CSMD1: variants seen among roughly 807,000 people sequenced by gnomAD.
CSMD1 encodes CUB and Sushi multiple domains 1.
A neutral mutation model predicts 417.5 loss-of-function variants in CSMD1; 213 were observed. The observed-to-expected ratio is 0.51, with a 90% CI of 0.46 to 0.57. The LOEUF (loss-of-function observed/expected upper bound fraction) is 0.57, where lower values mean the gene tolerates loss of function less well. Among genes scored for constraint, CSMD1 ranks in the 20% least tolerant of loss-of-function variants. CSMD1 has a pLI of 0.00. For missense variants in CSMD1, 6,923 were observed against 4,529.7 expected (o/e 1.53, Z -15.17); for synonymous variants, 2,862 against 1,736.8 (o/e 1.65, Z -16.11).
intron 23 of CSMD1, among the ~76,000 whole-genome samples, chr8:3,335,846 C>G (rs956783238): frequency 6.6e-6 from 1 of 152,126 alleles, no homozygotes; most frequent in African/African-American, 2.4e-5. Flanking sequence ...AGGGTGGAGA[C>G]TGGGCTCAGA....
intron 4 of CSMD1, among the ~76,000 whole-genome samples, chr8:4,002,215 G>T (rs879902714): frequency 3.6e-5 from 5 of 140,236 alleles, no homozygotes; most frequent in Admixed American, 3.5e-4. Context: ...GTGTGTGTGT[G>T]TGAGTGTGTG....
At chr8:4,399,651 G>C (rs766706023) in intron 3 of CSMD1, among the ~76,000 whole-genome samples, 2 of 151,760 alleles carry the variant, frequency 1.3e-5, no homozygotes, top group Non-Finnish European at 2.9e-5. Context: ...ATTTCAATCA[G>C]CACATATTGT....
chr8:3,372,396 C>A (rs371527475), intron 18 of CSMD1, among the ~76,000 whole-genome samples: 3 of 152,072 alleles, frequency 2.0e-5, no homozygotes, highest in African/African-American at 7.2e-5. Context: ...GAAAACGACA[C>A]GATCTCATGA....
intron 4 of CSMD1, among the ~76,000 whole-genome samples, chr8:4,002,776 A>G (rs937059057): frequency 2.6e-5 from 4 of 152,228 alleles, no homozygotes; most frequent in African/African-American, 4.8e-5. Flanking sequence ...GTATATTGGA[A>G]GAACTGAATA....
intron 3 of CSMD1, among the ~76,000 whole-genome samples, chr8:4,079,805 G>T (rs1800027369): frequency 6.6e-6 from 1 of 152,090 alleles, no homozygotes; most frequent in African/African-American, 2.4e-5. Flanking sequence ...TAGTAGCAGG[G>T]AGTGACATCA....
At chr8:3,569,797 T>C (rs368156390) in intron 10 of CSMD1, among the ~76,000 whole-genome samples, 4 of 152,174 alleles carry the variant, frequency 2.6e-5, no homozygotes, top group East Asian at 3.9e-4. Flanking sequence ...TTCTGCTTAA[T>C]TGAGATGCCT....
chr8:3,470,172 C>A (rs1276486235), intron 11 of CSMD1, among the ~76,000 whole-genome samples: 2 of 152,126 alleles, frequency 1.3e-5, no homozygotes, highest in African/African-American at 4.8e-5. Context: ...TTTACATCTT[C>A]TTTAAAGTTT....
At chr8:3,423,056 G>C (rs1206399114) in intron 12 of CSMD1, among the ~76,000 whole-genome samples, 1 of 152,186 alleles carries the variant, frequency 6.6e-6, no homozygotes, top group Non-Finnish European at 1.5e-5. Flanking sequence ...GAGTTGTACA[G>C]TCCTATGTAT....
intron 5 of CSMD1, chr8:3,950,075 A>G (rs1398400196): frequency 2.2e-6 from 1 of 445,034 alleles, no homozygotes. Context: ...GCCAGAAAAT[A>G]AAAAGAAAAT....
At chr8:4,863,501 T>G (rs557051681) in intron 1 of CSMD1, among the ~76,000 whole-genome samples, 1 of 152,222 alleles carries the variant, frequency 6.6e-6, no homozygotes, top group South Asian at 2.1e-4. Flanking sequence ...TAGTTCAGTG[T>G]TGAATATTTT....
intron 1 of CSMD1, among the ~76,000 whole-genome samples, chr8:4,898,789 C>T (rs58811746): frequency 0.071 from 10,839 of 152,072 alleles, 1,286 homozygotes; most frequent in African/African-American, 0.25. Flanking sequence ...GAAATGAAAA[C>T]TGCATAATAA....
At chr8:4,390,713 C>T (rs1477453845) in intron 3 of CSMD1, among the ~76,000 whole-genome samples, 4 of 151,638 alleles carry the variant, frequency 2.6e-5, no homozygotes, top group African/African-American at 9.7e-5. Context: ...CGGGGTTTCA[C>T]CATGTTAGCC....
intron 2 of CSMD1, among the ~76,000 whole-genome samples, chr8:4,449,032 G>C (rs1158075156): frequency 6.6e-6 from 1 of 152,104 alleles, no homozygotes; most frequent in Admixed American, 6.5e-5. Context: ...CCTAATTTAT[G>C]GTTCTTGAGT....
At chr8:4,972,685 C>T (rs1452583429) in intron 1 of CSMD1, among the ~76,000 whole-genome samples, 2 of 149,682 alleles carry the variant, frequency 1.3e-5, no homozygotes, top group African/African-American at 4.9e-5. Flanking sequence ...TTTCCTTCAA[C>T]AACCCTGAAT....
intron 5 of CSMD1, among the ~76,000 whole-genome samples, chr8:3,843,455 G>A (rs567883033): frequency 6.6e-6 from 1 of 151,992 alleles, no homozygotes; most frequent in South Asian, 2.1e-4. Context: ...GCCAGCCAAA[G>A]ATCAAAATGA....
chr8:4,434,359 GTCTC>G (rs1428896162), intron 2 of CSMD1, among the ~76,000 whole-genome samples: 2 of 152,066 alleles, frequency 1.3e-5, no homozygotes, highest in Non-Finnish European at 2.9e-5. Flanking sequence ...GCATGAGACT[GTCTC>G]TAACTAACTA....
chr8:4,606,587 A>G lies in CSMD1; in HGVS notation c.302+30755T>C, dbSNP rs185560242. ...GCACTGTTCTCTCAAGGACCAGGTA[A>G]TGAGGGAGAACCACTTGAAATTAGC... is the stretch of plus-strand genomic sequence containing the variant. On this transcript the variant is annotated intron_variant, in intron 2 of 69. Coordinates refer to ENST00000635120, the MANE Select transcript of CSMD1 (RefSeq NM_033225.6). Among the ~76,000 whole-genome samples the G allele has an allele frequency of 4.1e-4, 63 of 152,346 alleles. No individual in the cohort carries two copies. The South Asian group carries it at 5.8e-3, about 14-fold the overall frequency.
intron 3 of CSMD1, among the ~76,000 whole-genome samples, chr8:4,198,607 G>C (rs925653437): frequency 1.3e-5 from 2 of 152,128 alleles, no homozygotes; most frequent in African/African-American, 2.4e-5. Context: ...AACGTAATGA[G>C]TCTTTAAGCA....
intron 5 of CSMD1, among the ~76,000 whole-genome samples, chr8:3,955,167 C>A (rs763965860): frequency 2.0e-5 from 3 of 152,186 alleles, no homozygotes; most frequent in Non-Finnish European, 2.9e-5. Context: ...TGACTGTCCT[C>A]CTGTCCTCCA....
Sources: allele counts gnomAD v4.1 joint callset (sites outside exome capture counted in the v4.1 genomes callset), GRCh38; gene constraint gnomAD v4.1.1; transcripts MANE v1.5; gene names NCBI Gene and HGNC (gene_info 2026-07-23, HGNC 2026-07-21).